Variants in SLCO1B3 observed in about 807,000 individuals in gnomAD.
SLCO1B3 encodes the protein solute carrier organic anion transporter family member 1B3, also known as liver-specific organic anion transporter 2.
A neutral mutation model predicts 71.8 loss-of-function variants in SLCO1B3; 72 were observed. The observed-to-expected ratio is 1.00, with a 90% CI of 0.83 to 1.22. The LOEUF is 1.22. Among genes scored for constraint, SLCO1B3 ranks in the 50% most tolerant of loss-of-function variants. SLCO1B3 has a pLI of 0.00. For missense variants in SLCO1B3, 911 were observed against 819.7 expected (o/e 1.11, Z -1.36); for synonymous variants, 298 against 278.4 (o/e 1.07, Z -0.70).
intron 3 of SLCO1B3, among the ~76,000 whole-genome samples, chr12:20,820,736 A>T (rs1864284012): frequency 6.6e-6 from 1 of 151,956 alleles, no homozygotes; most frequent in Non-Finnish European, 1.5e-5. Context: ...TGGCCTTTTG[A>T]CCTTTTAGGG....
At chr12:20,825,446 T>A (rs929826473) in intron 3 of SLCO1B3, among the ~76,000 whole-genome samples, 1 of 152,078 alleles carries the variant, frequency 6.6e-6, no homozygotes, top group African/African-American at 2.4e-5. Context: ...GTGTTACGGT[T>A]TAAGATTTAG....
chr12:20,872,395 C>T (rs1190961798), intron 8 of SLCO1B3, among the ~76,000 whole-genome samples: 1 of 151,794 alleles, frequency 6.6e-6, no homozygotes, highest in Non-Finnish European at 1.5e-5. Flanking sequence ...GACTCAGGGA[C>T]CCCAAAAGCC....
chr12:20,841,846 C>T (rs1224475999), intron 3 of SLCO1B3, among the ~76,000 whole-genome samples: 3 of 148,888 alleles, frequency 2.0e-5, no homozygotes, highest in African/African-American at 2.5e-5. Flanking sequence ...CCCTCATGTA[C>T]TTGAGAAAAA....
intron 13 of SLCO1B3, among the ~76,000 whole-genome samples, chr12:20,893,386 G>T (rs1262452896): frequency 1.3e-5 from 2 of 152,168 alleles, no homozygotes; most frequent in Non-Finnish European, 2.9e-5. Flanking sequence ...GATGAGAGTT[G>T]TGATGTGCCA....
At chr12:20,904,798 G>A (rs1256243214) in intron 15 of SLCO1B3, among the ~76,000 whole-genome samples, 1 of 102,440 alleles carries the variant, frequency 9.8e-6, no homozygotes, top group Non-Finnish European at 1.7e-5. Flanking sequence ...TCTTGAGACA[G>A]TGTCTTGCTC....
chr12:20,867,765 T>C (rs4762687), intron 8 of SLCO1B3, among the ~76,000 whole-genome samples: 110,147 of 152,066 alleles, frequency 0.72, 42,495 homozygotes, highest in South Asian at 0.9. Context: ...AATGATAAAG[T>C]AACAAAGTCA....
At chr12:20,858,600 A>G (rs559726019) in intron 5 of SLCO1B3, 29 bp downstream of exon 5, 1 of 1,568,820 alleles carries the variant, frequency 6.4e-7, no homozygotes, top group East Asian at 2.2e-5. Context: ...TGAGCCATTT[A>G]TTATCAGCTA....
Position 20,815,675 on chromosome 12 carries a change from T to C in SLCO1B3, c.-64T>C, listed in dbSNP as rs1591738604. 2.9e-6 allele frequency: 3 copies of C among 1,042,800 alleles called. No individual in the cohort carries two copies. The highest frequency in any genetic ancestry group is 4.4e-6 in the Non-Finnish European group (3 of 684,030). The allele number at this position is 1,042,800 out of a possible 1,614,324, so 64.6% of individuals were successfully genotyped here. A position where few individuals can be genotyped will look rare whatever the true frequency, so the allele number is the denominator to read the frequency against. Reference sequence around the variant, plus strand: ...ATTATACTTTTTCTTTTTTAACAGGTGATCATTTCAAACCAAGCATCAGCA... The same window carrying C: ...ATTATACTTTTTCTTTTTTAACAGGCGATCATTTCAAACCAAGCATCAGCA... On this transcript the variant is annotated splice_region_variant and 5_prime_UTR_variant, in exon 3 of 16. An upstream open reading frame in the 5' UTR loses its in-frame stop. Coordinates refer to ENST00000381545, the MANE Select transcript of SLCO1B3 (RefSeq NM_019844.4).
At chr12:20,820,517 G>A (rs1864275873) in intron 3 of SLCO1B3, among the ~76,000 whole-genome samples, 1 of 152,194 alleles carries the variant, frequency 6.6e-6, no homozygotes, top group Non-Finnish European at 1.5e-5. Context: ...CTGAGGTTCA[G>A]GCGTTTGGAA....
At chr12:20,903,982 G>A (rs987662101) in intron 15 of SLCO1B3, among the ~76,000 whole-genome samples, 5 of 152,126 alleles carry the variant, frequency 3.3e-5, no homozygotes, top group African/African-American at 1.2e-4. Flanking sequence ...GCTCATGCCT[G>A]TAATCCCAGC....
At chr12:20,829,336 A>G (rs577486174) in intron 3 of SLCO1B3, among the ~76,000 whole-genome samples, 1 of 152,308 alleles carries the variant, frequency 6.6e-6, no homozygotes, top group African/African-American at 2.4e-5. Flanking sequence ...GCTCTCTACC[A>G]TCCTAGAAGC....
chr12:20,887,707 T>TA (rs558761087), intron 13 of SLCO1B3, among the ~76,000 whole-genome samples: 2 of 151,634 alleles, frequency 1.3e-5, no homozygotes, highest in Non-Finnish European at 3.0e-5. Context: ...TTTTTTTTTT[T>TA]ACTGAACAAA....
rs1171528882 is a variant in SLCO1B3, at chr12:20,864,319, G to A, written c.727+1465G>A. Reference sequence around the variant, plus strand: ...TTGCATACTTACCCACCATCTCTTTGAGAACATGACAGAATCGTGTCTGTG... The same window carrying A: ...TTGCATACTTACCCACCATCTCTTTAAGAACATGACAGAATCGTGTCTGTG... On this transcript the variant is annotated intron_variant, in intron 8 of 15. Coordinates refer to ENST00000381545, the MANE Select transcript of SLCO1B3 (RefSeq NM_019844.4). Among the ~76,000 whole-genome samples the A allele has an allele frequency of 2.0e-5, 3 of 151,760 alleles. 1 individual carries two copies. The highest frequency in any genetic ancestry group is 4.4e-5 in the Non-Finnish European group (3 of 67,772).
In SLCO1B3 at chr12:20,916,315, T is replaced by A; in HGVS notation, c.*68T>A. 6.8e-7 allele frequency: 1 copy of A among 1,466,584 alleles called. No individual in the cohort carries two copies. The highest frequency in any genetic ancestry group is 1.2e-5 in the South Asian group (1 of 80,136). 90.8% of individuals were successfully genotyped at this position (1,466,584 alleles called of 1,614,324 possible). On this transcript the variant is annotated 3_prime_UTR_variant, in exon 16 of 16. Coordinates refer to ENST00000381545, the MANE Select transcript of SLCO1B3 (RefSeq NM_019844.4). ...GGTCTTTCACTGACAATTCCAACAT[T>A]CTTTACTTACAGTGGACCAATGGAT... is the stretch of plus-strand genomic sequence containing the variant.
At chr12:20,875,806 T>C (rs968180287) in intron 9 of SLCO1B3, among the ~76,000 whole-genome samples, 1 of 152,060 alleles carries the variant, frequency 6.6e-6, no homozygotes, top group East Asian at 1.9e-4. Flanking sequence ...TAATTTTTCA[T>C]TCATTTATTT....
At chr12:20,839,939 A>G (rs925854481) in intron 3 of SLCO1B3, among the ~76,000 whole-genome samples, 4 of 152,182 alleles carry the variant, frequency 2.6e-5, no homozygotes, top group African/African-American at 7.2e-5. Flanking sequence ...TGCCAAGTAT[A>G]CTAATATGCT....
intron 8 of SLCO1B3, among the ~76,000 whole-genome samples, chr12:20,871,571 A>G (rs1001829048): frequency 1.3e-5 from 2 of 152,078 alleles, no homozygotes; most frequent in African/African-American, 2.4e-5. Flanking sequence ...TTTTAGGTAT[A>G]TGAAGGGACT....
At chr12:20,885,929 G>A (rs1479934859) in intron 13 of SLCO1B3, among the ~76,000 whole-genome samples, 4 of 152,008 alleles carry the variant, frequency 2.6e-5, no homozygotes, top group African/African-American at 7.2e-5. Context: ...TTGTGTTTTT[G>A]GAAGACAAGA....
intron 3 of SLCO1B3, among the ~76,000 whole-genome samples, chr12:20,836,668 G>A (rs1252361702): frequency 6.6e-6 from 1 of 152,014 alleles, no homozygotes; most frequent in Non-Finnish European, 1.5e-5. Context: ...TTGAGATGGA[G>A]TCTCGCTCTG....
Sources: gnomAD v4.1 joint callset for allele counts (sites outside exome capture counted in the v4.1 genomes callset) on GRCh38, gnomAD v4.1.1 for gene constraint, MANE v1.5 for transcripts, NCBI Gene and HGNC (gene_info 2026-07-23, HGNC 2026-07-21) for gene names.